NRIP1: variants seen among roughly 807,000 people sequenced by gnomAD.
NRIP1 encodes the protein nuclear receptor-interacting protein 1.
In NRIP1, 28 loss-of-function variants were observed where a neutral mutation model predicts 75.0. The ratio of observed to expected loss-of-function variants is 0.37; its 90% CI spans 0.28 to 0.51. The LOEUF is 0.51. Ranked by LOEUF, NRIP1 falls within the 20% of genes least tolerant of loss-of-function variation. The pLI, the probability that NRIP1 is intolerant of heterozygous loss-of-function variation, is 0.92. For missense variants in NRIP1, 1,435 were observed against 1,343.7 expected (o/e 1.07, Z -1.06); for synonymous variants, 526 against 487.6 (o/e 1.08, Z -1.04).
intron 1 of NRIP1, among the ~76,000 whole-genome samples, chr21:15,046,509 G>T (rs1162387677): frequency 6.6e-6 from 1 of 152,170 alleles, no homozygotes; most frequent in Non-Finnish European, 1.5e-5. Context: ...AGCATAGGTA[G>T]AAGAGATTTA....
chr21:14,964,497 T>C lies in NRIP1; in HGVS notation c.*219A>G, dbSNP rs2086668719. 4.7e-6 allele frequency: 2 copies of C among 427,098 alleles called. No homozygotes were observed. The highest frequency in any genetic ancestry group is 8.2e-6 in the Non-Finnish European group (2 of 242,780). The allele number at this position is 427,098 out of a possible 1,614,324, so 26.5% of individuals were successfully genotyped here. On this transcript the variant is annotated 3_prime_UTR_variant, in exon 4 of 4. Coordinates refer to ENST00000318948, the MANE Select transcript of NRIP1 (RefSeq NM_003489.4). The stretch of plus-strand genomic sequence containing the variant: ...TTGTTATCTGATGCATACAGAAGTG[T>C]TAAACAACCAATTGCTAGTTCAGTA...
chr21:15,029,807 G>A (rs565468629), intron 2 of NRIP1, among the ~76,000 whole-genome samples: 1 of 146,642 alleles, frequency 6.8e-6, no homozygotes, highest in South Asian at 2.2e-4. Flanking sequence ...CAGAGTCCCT[G>A]TCTCCAATAA....
chr21:15,037,867 T>C (rs994693781), intron 2 of NRIP1, among the ~76,000 whole-genome samples: 3 of 152,214 alleles, frequency 2.0e-5, no homozygotes, highest in African/African-American at 7.2e-5. Context: ...TACTTTGCTG[T>C]GTAGAATGTA....
intron 1 of NRIP1, among the ~76,000 whole-genome samples, chr21:15,058,765 T>C (rs1192276859): frequency 6.6e-6 from 1 of 152,210 alleles, no homozygotes; most frequent in East Asian, 1.9e-4. Context: ...GTGCACATGT[T>C]ATGAAGAGTA....
intron 2 of NRIP1, among the ~76,000 whole-genome samples, chr21:15,015,604 ATAGT>A (rs1271126379): frequency 1.3e-5 from 2 of 152,166 alleles, no homozygotes; most frequent in African/African-American, 4.8e-5. Context: ...AAAATTAGAA[ATAGT>A]TAAATAAACT....
At chr21:15,022,313 T>C (rs2088396463) in intron 2 of NRIP1, among the ~76,000 whole-genome samples, 1 of 152,220 alleles carries the variant, frequency 6.6e-6, no homozygotes, top group South Asian at 2.1e-4. Flanking sequence ...ATGTTGTCAC[T>C]TAAAAGTGGG....
intron 2 of NRIP1, among the ~76,000 whole-genome samples, chr21:15,028,405 G>GT (rs1220662607): frequency 1.3e-5 from 2 of 152,166 alleles, no homozygotes; most frequent in Non-Finnish European, 2.9e-5. Flanking sequence ...TTGGAGTGGG[G>GT]TAAGATCGCC....
intron 3 of NRIP1, among the ~76,000 whole-genome samples, chr21:15,005,435 T>C (rs755429182): frequency 6.6e-6 from 1 of 152,118 alleles, no homozygotes; most frequent in Non-Finnish European, 1.5e-5. Flanking sequence ...TGTTGGTTGG[T>C]TGAACGCTGA....
chr21:14,990,324 T>TA (rs1568962481), intron 3 of NRIP1, among the ~76,000 whole-genome samples: 1 of 152,076 alleles, frequency 6.6e-6, no homozygotes, highest in African/African-American at 2.4e-5. Flanking sequence ...CAGATACTGA[T>TA]ATAATGCCAC....
At chr21:15,061,914 CCTT>C (rs1568741317) in intron 1 of NRIP1, among the ~76,000 whole-genome samples, 1 of 152,180 alleles carries the variant, frequency 6.6e-6, no homozygotes, top group Non-Finnish European at 1.5e-5. Context: ...TGGCATATCT[CCTT>C]ATCTTATTTG....
In NRIP1 at chr21:14,965,436, G is replaced by T; in HGVS notation, c.2757C>A (p.Ser919Arg). The T allele has an allele frequency of 6.2e-7, 1 of 1,613,784 alleles. No homozygotes were observed. The highest frequency in any genetic ancestry group is 8.5e-7 in the Non-Finnish European group (1 of 1,179,880). Residue 919 changes from serine to arginine, a missense_variant, in exon 4 of 4, where the codon AGC becomes AGA. Ser to Arg is a moderately radical substitution (Grantham distance 110, BLOSUM62 -1). Transcript: ENST00000318948. ...TGGCCCAACTCCTGTGTTCACTTTC[G>T]CTGGCTGAGCCATGACCAGCAGGAT... ...FKYPAGHGSASESEHRSWARE... is the reference protein window; with the variant it reads ...FKYPAGHGSARESEHRSWARE...
At position 15,033,241 on chromosome 21, in the gene NRIP1, A is replaced by G. The variant is rs186414001; in HGVS notation, c.-458+10254T>C. ...CTCTGTCTCAAAAAAAAAAAAAAAA[A>G]AATACTGCATACTATGTGCCAGGAC... On this transcript the variant is annotated intron_variant, in intron 2 of 3. Coordinates refer to ENST00000318948, the MANE Select transcript of NRIP1 (RefSeq NM_003489.4). Among the ~76,000 whole-genome samples the G allele has an allele frequency of 2.4e-4, 37 of 151,922 alleles. No homozygotes were observed. In the East Asian group the frequency reaches 5.6e-3, roughly 23 times the overall value.
chr21:15,030,402 G>A (rs1029100133), intron 2 of NRIP1, among the ~76,000 whole-genome samples: 1 of 152,196 alleles, frequency 6.6e-6, no homozygotes, highest in Non-Finnish European at 1.5e-5. Context: ...AAACTAACAC[G>A]AAGTTGGATT....
At chr21:14,981,489 G>A (rs944080537) in intron 3 of NRIP1, among the ~76,000 whole-genome samples, 3 of 152,200 alleles carry the variant, frequency 2.0e-5, no homozygotes, top group Admixed American at 1.3e-4. Context: ...GCCACTCATA[G>A]TCAGATACAG....
intron 2 of NRIP1, among the ~76,000 whole-genome samples, chr21:15,039,726 G>C (rs981218704): frequency 1.3e-5 from 2 of 151,884 alleles, no homozygotes; most frequent in Non-Finnish European, 2.9e-5. Context: ...TTTGAAAAAA[G>C]AAAAACACAC....
At chr21:15,005,612 C>A (rs879940710) in intron 3 of NRIP1, among the ~76,000 whole-genome samples, 17 of 152,118 alleles carry the variant, frequency 1.1e-4, no homozygotes, top group Admixed American at 1.1e-3. Context: ...CATCTTAAAT[C>A]TCTTCAAAGG....
intron 3 of NRIP1, among the ~76,000 whole-genome samples, chr21:14,978,736 TA>T (rs1321511830): frequency 1.3e-5 from 2 of 152,198 alleles, no homozygotes; most frequent in Non-Finnish European, 2.9e-5. Flanking sequence ...TCGGATTCAA[TA>T]AATTTGCTAT....
chr21:15,051,858 G>A (rs1416895776), intron 1 of NRIP1: 1 of 152,136 alleles, frequency 6.6e-6, no homozygotes, highest in Non-Finnish European at 1.5e-5. Context: ...CACTTAAGTT[G>A]AGGCATGGTT....
At chr21:14,991,489 A>C (rs935721193) in intron 3 of NRIP1, among the ~76,000 whole-genome samples, 18 of 151,982 alleles carry the variant, frequency 1.2e-4, no homozygotes, top group African/African-American at 4.1e-4. Flanking sequence ...TAGTTCAGCT[A>C]AACATGATGA....
Sources: gnomAD v4.1 joint callset for allele counts (sites outside exome capture counted in the v4.1 genomes callset) on GRCh38, gnomAD v4.1.1 for gene constraint, MANE v1.5 for transcripts, NCBI Gene and HGNC (gene_info 2026-07-23, HGNC 2026-07-21) for gene names.